Variants in CPB2 observed in about 807,000 individuals in gnomAD.
CPB2 encodes the protein carboxypeptidase B2, also known as carboxypeptidase B-like protein.
In CPB2, 54 loss-of-function variants were observed where a neutral mutation model predicts 57.0. The ratio of observed to expected loss-of-function variants is 0.95; its 90% CI spans 0.76 to 1.19. CPB2 has a LOEUF of 1.19. Ranked by LOEUF, CPB2 falls within the 50% of genes most tolerant of loss-of-function variation. CPB2 has a pLI of 0.00. For synonymous variants in CPB2, 189 were observed against 178.1 expected (o/e 1.06, Z -0.49); for missense variants, 426 against 512.0 (o/e 0.83, Z 1.62).
At chr13:46,098,955 G>A (rs1397932075) in intron 1 of CPB2, 4 of 152,182 alleles carry the variant, frequency 2.6e-5, no homozygotes, top group African/African-American at 7.2e-5. Context: ...TGATACAAAT[G>A]CCTATTCTGT....
At chr13:46,058,010 C>G (rs1274034117) in intron 9 of CPB2, among the ~76,000 whole-genome samples, 169 bp downstream of exon 9, 1 of 152,162 alleles carries the variant, frequency 6.6e-6, no homozygotes, top group East Asian at 1.9e-4. Context: ...TCTTTATATT[C>G]CCTTAGAGAA....
intron 4 of CPB2, among the ~76,000 whole-genome samples, chr13:46,081,032 A>G (rs1042864847): frequency 1.3e-5 from 2 of 151,892 alleles, no homozygotes; most frequent in East Asian, 3.9e-4. Flanking sequence ...TGAGATGGCA[A>G]CTACCTACAA....
chr13:46,073,091 A>G (rs1277222388), intron 6 of CPB2, among the ~76,000 whole-genome samples: 1 of 152,242 alleles, frequency 6.6e-6, no homozygotes, highest in East Asian at 1.9e-4. Flanking sequence ...AAACAGTTTT[A>G]TCTTGATGTA....
At chr13:46,085,496 T>C (rs1327567080) in intron 2 of CPB2, among the ~76,000 whole-genome samples, 1 of 152,178 alleles carries the variant, frequency 6.6e-6, no homozygotes, top group African/African-American at 2.4e-5. Context: ...AACCGAGTCC[T>C]GTGGAAGTGT....
chr13:46,053,877 G>T, intron 10 of CPB2, 79 bp from the exon 11 acceptor site: 2 of 1,396,004 alleles, frequency 1.4e-6, no homozygotes, highest in South Asian at 1.3e-5. Context: ...TGATTTAAAT[G>T]TTTATTTGTT....
At chr13:46,098,105 C>A (rs534896322) in intron 1 of CPB2, among the ~76,000 whole-genome samples, 6 of 152,288 alleles carry the variant, frequency 3.9e-5, no homozygotes, top group African/African-American at 1.4e-4. Flanking sequence ...CCAGCTTAGG[C>A]GTTCTGTAAT....
At chr13:46,078,717 C>G (rs774372124) in intron 5 of CPB2, 83 bp downstream of exon 5, 2 of 918,494 alleles carry the variant, frequency 2.2e-6, no homozygotes, top group Non-Finnish European at 3.5e-6. Context: ...TCAAAGGAAA[C>G]AAACTCAAGT....
Position 46,053,769 on chromosome 13 carries a change from T to A in CPB2, c.1117A>T (p.Ile373Phe), listed in dbSNP as rs1377964747. ...GAATATTTGATGCCCAAATCATAGA[T>A]CCAATCGTCCCCACCTCCAGGAGCT... ...YLAPGGGDDWIYDLGIKYSFT... is the reference protein window; with the variant it reads ...YLAPGGGDDWFYDLGIKYSFT... The change falls in exon 11 of 11, where the codon ATC becomes TTC. Residue 373 changes from isoleucine (I) to phenylalanine (F), a missense_variant. Physicochemically the swap from Ile to Phe is conservative, Grantham distance 21 (BLOSUM62 0). Transcript: ENST00000181383. 4.3e-6 allele frequency: 7 copies of A among 1,613,952 alleles called. No individual in the cohort carries two copies. The Admixed American group carries it at 1.2e-4, about 27-fold the overall frequency.
intron 1 of CPB2, chr13:46,097,159 C>T (rs1334908829): frequency 2.0e-5 from 3 of 152,264 alleles, no homozygotes. Context: ...ACAAATGACT[C>T]AGCCAGTTGA....
intron 6 of CPB2, among the ~76,000 whole-genome samples, chr13:46,068,877 T>C (rs2044896375): frequency 6.6e-6 from 1 of 152,228 alleles, no homozygotes; most frequent in South Asian, 2.1e-4. Flanking sequence ...ACCAGTTAAA[T>C]ACATTTTTAT....
Position 46,104,944 on chromosome 13 carries a change from C to T in CPB2, c.66G>A (p.Ala22=), listed in dbSNP as rs776753364. ...IVLFCEQHVF[A]FQSGQVLAAL... Reference sequence around the variant, plus strand: ...AGATTCTATTGGGTTACCTCTGAAACGCGAAGACATGCTGCTCACAGAAGA... The same window carrying T: ...AGATTCTATTGGGTTACCTCTGAAATGCGAAGACATGCTGCTCACAGAAGA... Residue 22 remains alanine, a synonymous_variant, in exon 1 of 11, where the codon GCG becomes GCA. Transcript: ENST00000181383. 24 of 1,613,812 alleles carry T rather than the reference C, an allele frequency of 1.5e-5. No homozygotes were observed. The highest frequency in any genetic ancestry group is 8.0e-5 in the African/African-American group (6 of 74,918).
In CPB2 at chr13:46,084,360, A is replaced by ATT; in HGVS notation, c.151-18_151-17insAA. 6.2e-7 allele frequency: 1 copy of ATT among 1,612,934 alleles called. No homozygotes were observed. Among genetic ancestry groups the ATT allele is most frequent in the East Asian group, 2.2e-5 (1 of 44,862 alleles). On this transcript the variant is annotated splice_polypyrimidine_tract_variant and intron_variant, in intron 2 of 10. Transcript: ENST00000181383. ...GAGAACAATCTACAGTTTAAGGGGC[A>ATT]AAATTGATAAAATTAAAAAAGAGTT...
Position 46,084,125 on chromosome 13 carries a change from T to C in CPB2, c.275+94A>G, listed in dbSNP as rs373432318. 1.7e-5 allele frequency: 24 copies of C among 1,450,018 alleles called. 1 individual carries two copies. The African/African-American group carries it at 2.7e-4, about 16-fold the overall frequency. The allele number at this position is 1,450,018 out of a possible 1,614,324, so 89.8% of individuals were successfully genotyped here. On this transcript the variant is annotated intron_variant, in intron 3 of 10. Coordinates refer to ENST00000181383, the MANE Select transcript of CPB2 (RefSeq NM_001872.5). ...CTTCTATGCTGCCATGGTTAATACA[T>C]TTTATTTTTCCAGGAAGCAATTATA... is the stretch of plus-strand genomic sequence containing the variant.
chr13:46,062,289 G>T (rs540450668), intron 8 of CPB2, among the ~76,000 whole-genome samples: 1 of 152,172 alleles, frequency 6.6e-6, no homozygotes, highest in African/African-American at 2.4e-5. Context: ...TGATAACTTG[G>T]GTTTATAGCC....
chr13:46,102,430 CTTG>C lies in CPB2; in HGVS notation c.74+2503_74+2505del, dbSNP rs1294219932. Among the ~76,000 whole-genome samples the C allele has an allele frequency of 2.7e-5, 4 of 150,596 alleles. No homozygotes were observed. The East Asian group carries it at 5.9e-4, about 22-fold the overall frequency. On this transcript the variant is annotated intron_variant, in intron 1 of 10. Transcript: ENST00000181383. ...GCATATGATATTTATGCCTTTAAAACTTGTTGTTGTTCCAGGGCATTTCACTGA... is the reference window on the plus strand; with the variant it reads ...GCATATGATATTTATGCCTTTAAAACTTGTTGTTCCAGGGCATTTCACTGA...
intron 1 of CPB2, among the ~76,000 whole-genome samples, chr13:46,094,438 C>T (rs1351282780): frequency 2.0e-5 from 3 of 152,154 alleles, no homozygotes; most frequent in African/African-American, 7.2e-5. Flanking sequence ...ACTTCCACAG[C>T]CAGCTTATGT....
At position 46,087,763 on chromosome 13, in the gene CPB2, A is replaced by T; in HGVS notation, c.132T>A (p.Asn44Lys). ...AAATTACCTCATATGTTGTAGTAAGATTCTGTAGAACTTGAACTTGCCTAG... is the reference window on the plus strand; with the variant it reads ...AAATTACCTCATATGTTGTAGTAAGTTTCTGTAGAACTTGAACTTGCCTAG... ...RTSRQVQVLQ[N>K]LTTTYEIVLW... Residue 44 changes from asparagine to lysine, a missense_variant, in exon 2 of 11, where the codon AAT becomes AAA. By Grantham distance (94) the Asn-to-Lys change is moderately conservative. Transcript: ENST00000181383. 6.2e-7 allele frequency: 1 copy of T among 1,610,216 alleles called. No homozygotes were observed. Among genetic ancestry groups the T allele is most frequent in the Non-Finnish European group, 8.5e-7 (1 of 1,177,854 alleles).
At chr13:46,065,522 G>A (rs2044840344) in intron 7 of CPB2, among the ~76,000 whole-genome samples, 1 of 151,664 alleles carries the variant, frequency 6.6e-6, no homozygotes, top group Non-Finnish European at 1.5e-5. Context: ...AGCTACTCGG[G>A]AGGCTGAGGC....
chr13:46,078,984 G>T, intron 4 of CPB2, 83 bp from the exon 5 acceptor site: 1 of 855,760 alleles, frequency 1.2e-6, no homozygotes. Flanking sequence ...AACTTCTTCA[G>T]AGAAAGGAAA....
Sources: allele counts gnomAD v4.1 joint callset (sites outside exome capture counted in the v4.1 genomes callset), GRCh38; gene constraint gnomAD v4.1.1; transcripts MANE v1.5; gene names NCBI Gene and HGNC (gene_info 2026-07-23, HGNC 2026-07-21).